Variants in BROX observed in about 807,000 individuals in gnomAD.
The protein encoded by BROX is BRO1 domain-containing protein BROX.
Under a neutral mutation model 61.0 loss-of-function variants are expected in BROX, and 53 were observed. The ratio of observed to expected loss-of-function variants is 0.87; its 90% CI spans 0.70 to 1.09. The LOEUF (loss-of-function observed/expected upper bound fraction) is 1.09, where lower values mean the gene tolerates loss of function less well. Ranked by LOEUF, BROX falls within the 50% of genes least tolerant of loss-of-function variation. The pLI, the probability that BROX is intolerant of heterozygous loss-of-function variation, is 0.00. For synonymous variants in BROX, 152 were observed against 160.2 expected (o/e 0.95, Z 0.38); for missense variants, 489 against 472.0 (o/e 1.04, Z -0.33).
chr1:222,717,384 G>A (rs547294599), intron 2 of BROX, among the ~76,000 whole-genome samples: 1 of 152,228 alleles, frequency 6.6e-6, no homozygotes, highest in Non-Finnish European at 1.5e-5. Context: ...TCTATAAAAT[G>A]AACAGCCTAA....
At chr1:222,728,399 A>G (rs1218181820) in intron 8 of BROX, among the ~76,000 whole-genome samples, 1 of 152,104 alleles carries the variant, frequency 6.6e-6, no homozygotes, top group East Asian at 1.9e-4. Context: ...CTAGACTACT[A>G]TTTGTTTTGC....
intron 4 of BROX, 107 bp downstream of exon 4, chr1:222,719,466 C>T (rs1406442942): frequency 8.1e-6 from 6 of 737,634 alleles, no homozygotes; most frequent in Non-Finnish European, 1.4e-5. Context: ...CAGGTCTGCT[C>T]AGCGTTTTCT....
Position 222,733,914 on chromosome 1 carries a change from ACTT to A in BROX, c.*1204_*1206del, listed in dbSNP as rs1434466545. The A allele has an allele frequency of 6.6e-6, 1 of 152,204 alleles. No homozygotes were observed. The highest frequency in any genetic ancestry group is 1.5e-5 in the Non-Finnish European group (1 of 68,018). 9.4% of individuals were successfully genotyped at this position (152,204 alleles called of 1,614,324 possible). ...TCCTGAATTACACTGGTAACTCTCT[ACTT>A]CTTTATTAAAGAAGTTATAGTAAGA... On this transcript the variant is annotated 3_prime_UTR_variant, in exon 13 of 13. Coordinates refer to ENST00000340934, the MANE Select transcript of BROX (RefSeq NM_144695.4).
intron 5 of BROX, among the ~76,000 whole-genome samples, chr1:222,723,714 G>A (rs770645857): frequency 8.5e-5 from 13 of 152,066 alleles, no homozygotes; most frequent in Non-Finnish European, 1.5e-4. Context: ...CCGCTCTGTC[G>A]CCAGGCCAGG....
intron 1 of BROX, 37 bp from the exon 2 acceptor site, chr1:222,715,647 T>G: frequency 1.1e-6 from 1 of 897,082 alleles, no homozygotes; most frequent in Non-Finnish European, 1.6e-6. Context: ...ATATTTTATA[T>G]TTAATTTTTG....
At chr1:222,722,931 A>T (rs1657207480) in intron 5 of BROX, among the ~76,000 whole-genome samples, 2 of 152,248 alleles carry the variant, frequency 1.3e-5, no homozygotes, top group African/African-American at 4.8e-5. Flanking sequence ...GGACATGAAC[A>T]GGCAATTCAC....
chr1:222,713,483 G>T, intron 1 of BROX: 1 of 963,478 alleles, frequency 1.0e-6, no homozygotes, highest in African/African-American at 1.8e-5. Context: ...GAGTCCTCTT[G>T]TGGAAGTGTG....
At chr1:222,716,216 A>G (rs1656596801) in intron 2 of BROX, among the ~76,000 whole-genome samples, 1 of 152,070 alleles carries the variant, frequency 6.6e-6, no homozygotes, top group South Asian at 2.1e-4. Context: ...CTTTTGCCTC[A>G]GCCTCCCGAG....
chr1:222,719,150 G>T (rs964854241), intron 3 of BROX, 113 bp from the exon 4 acceptor site: 3 of 1,268,714 alleles, frequency 2.4e-6, no homozygotes, highest in South Asian at 1.3e-5. Flanking sequence ...TTGGAAAAGA[G>T]CAAGAAGTTT....
At chr1:222,721,991 T>C (rs372462327) in intron 4 of BROX, among the ~76,000 whole-genome samples, 1 of 152,174 alleles carries the variant, frequency 6.6e-6, no homozygotes, top group African/African-American at 2.4e-5. Flanking sequence ...TTCTTAATTA[T>C]TCTAGCCTGA....
intron 1 of BROX, 116 bp downstream of exon 1, chr1:222,713,058 A>T: frequency 9.5e-7 from 1 of 1,047,914 alleles, no homozygotes; most frequent in Non-Finnish European, 1.2e-6. Flanking sequence ...TGGACAGTGG[A>T]CCAAAAGTCT....
chr1:222,713,495 T>G (rs982229805), intron 1 of BROX: 8 of 940,778 alleles, frequency 8.5e-6, no homozygotes, highest in Non-Finnish European at 8.9e-6. Flanking sequence ...GGAAGTGTGT[T>G]AGCTTACAGC....
intron 11 of BROX, among the ~76,000 whole-genome samples, chr1:222,730,538 C>A (rs997989555): frequency 5.3e-5 from 8 of 152,096 alleles, no homozygotes; most frequent in African/African-American, 1.7e-4. Flanking sequence ...CAAGGCTGCA[C>A]TGAGCCATGA....
intron 4 of BROX, among the ~76,000 whole-genome samples, chr1:222,720,533 C>T (rs1316681910): frequency 1.3e-5 from 2 of 152,028 alleles, no homozygotes; most frequent in South Asian, 2.1e-4. Context: ...GAGCTAAAGC[C>T]GGGCACAGTG....
At position 222,718,933 on chromosome 1, in the gene BROX, G is replaced by C; in HGVS notation, c.110G>C (p.Arg37Thr). 3 of 1,613,392 alleles carry C rather than the reference G, an allele frequency of 1.9e-6. No homozygotes were observed. The highest frequency in any genetic ancestry group is 2.5e-6 in the Non-Finnish European group (3 of 1,179,544). ...PSASKICNDL[R>T]SSRARLLELF... is the part of the protein sequence containing the mutation. Reference sequence around the variant, plus strand: ...TTTGTATCTCTTATAAGTGACTTGAGGTCATCCAGGGCACGACTCCTTGAA... The same window carrying C: ...TTTGTATCTCTTATAAGTGACTTGACGTCATCCAGGGCACGACTCCTTGAA... Residue 37 changes from arginine to threonine, a missense_variant, in exon 3 of 13, where the codon AGG (arginine) becomes ACG (threonine). Coordinates refer to ENST00000340934, the MANE Select transcript of BROX (RefSeq NM_144695.4).
In BROX at chr1:222,725,435, T is replaced by C; in HGVS notation, c.475-15T>C. The C allele has an allele frequency of 6.4e-7, 1 of 1,557,686 alleles. No individual in the cohort carries two copies. The highest frequency in any genetic ancestry group is 8.7e-7 in the Non-Finnish European group (1 of 1,149,410). On this transcript the variant is annotated splice_polypyrimidine_tract_variant and intron_variant, in intron 6 of 12. Coordinates refer to ENST00000340934, the MANE Select transcript of BROX (RefSeq NM_144695.4). ...TGGCTGCTTTGTTTTTTGTCTTTTT[T>C]GTTGTTGTTCTCAGGAAAGTCATCT...
chr1:222,712,770 G>C lies in BROX; in HGVS notation c.-189G>C, dbSNP rs557224051. The C allele has an allele frequency of 3.9e-6, 5 of 1,289,740 alleles. No homozygotes were observed. The South Asian group carries it at 6.2e-5, about 16-fold the overall frequency. 79.9% of individuals were successfully genotyped at this position (1,289,740 alleles called of 1,614,324 possible). ...CCTGAGCTGCGCGCACTACCGCCTC[G>C]GTAGCTATCATGGCCGCCGGGTCAC... On this transcript the variant is annotated 5_prime_UTR_variant, in exon 1 of 13. Coordinates refer to ENST00000340934, the MANE Select transcript of BROX (RefSeq NM_144695.4).
Position 222,731,466 on chromosome 1 carries a change from C to T in BROX, c.1099C>T (p.Pro367Ser). 2 of 1,603,212 alleles carry T rather than the reference C, an allele frequency of 1.2e-6. No individual in the cohort carries two copies. Among genetic ancestry groups the T allele is most frequent in the South Asian group, 1.1e-5 (1 of 88,378 alleles). Reference sequence around the variant, plus strand: ...TCCTCCTACAAGTGTTCAGTGGACACCAGAAACATTGGCTGCATTTGATCT... The same window carrying T: ...TCCTCCTACAAGTGTTCAGTGGACATCAGAAACATTGGCTGCATTTGATCT... The part of the protein sequence containing the change: ...EFPPTSVQWT[P>S]ETLAAFDLTK... Residue 367 changes from proline (P) to serine (S), a missense_variant, in exon 12 of 13, where the codon CCA (proline) becomes TCA (serine). Coordinates refer to ENST00000340934, the MANE Select transcript of BROX (RefSeq NM_144695.4).
chr1:222,730,242 T>C (rs965713858), intron 11 of BROX, 65 bp downstream of exon 11: 7 of 1,130,290 alleles, frequency 6.2e-6, no homozygotes, highest in Non-Finnish European at 8.2e-6. Context: ...ATTAAAATAT[T>C]AATATTTTAG....
Sources: gnomAD v4.1 joint callset for allele counts (sites outside exome capture counted in the v4.1 genomes callset) on GRCh38, gnomAD v4.1.1 for gene constraint, MANE v1.5 for transcripts, NCBI Gene and HGNC (gene_info 2026-07-23, HGNC 2026-07-21) for gene names.